The following MYH14 variants were observed in gnomAD, a reference collection of about 807,000 sequenced individuals.
MYH14 encodes the protein myosin-14.
Under a neutral mutation model 255.5 loss-of-function variants are expected in MYH14, and 123 were observed. The ratio of observed to expected loss-of-function variants is 0.48; its 90% CI spans 0.42 to 0.56. MYH14 has a LOEUF of 0.56. Ranked by LOEUF, MYH14 falls within the 20% of genes least tolerant of loss-of-function variation. MYH14 has a pLI of 0.00. For missense variants in MYH14, 2,423 were observed against 2,802.3 expected, an observed-to-expected ratio of 0.86 and a Z score of 3.06; for synonymous variants, 1,095 against 1,161.2, an observed-to-expected ratio of 0.94 and a Z score of 1.16.
Position 50,210,450 on chromosome 19 carries a change from T to C in MYH14, c.85T>C (p.Phe29Leu), listed in dbSNP as rs754481121. The C allele has an allele frequency of 5.2e-6, 8 of 1,550,850 alleles. No individual in the cohort carries two copies. The African/African-American group carries it at 9.7e-5, about 19-fold the overall frequency. Residue 29 changes from phenylalanine to leucine, a missense_variant, in exon 2 of 43, where the codon TTC (phenylalanine) becomes CTC (leucine). By Grantham distance (22) the Phe-to-Leu change is conservative. Around this residue, in one of 3 missense-constraint regions of MYH14, gnomAD observed 238 missense variants for 245.8 expected, o/e 0.97. Transcript: ENST00000642316. ...GCCCGAGGCGGCCCAGCCGTTCCTG[T>C]TCACGCCCCGCGGGCCCAGCGCGGG... ...PVPEAAQPFL[F>L]TPRGPSAGGG...
intron 33 of MYH14, chr19:50,286,121 T>G (rs919836439): frequency 5.8e-6 from 1 of 171,650 alleles, no homozygotes; most frequent in African/African-American, 2.4e-5. Flanking sequence ...TCTTTTCTTT[T>G]TTGCATGTTT....
rs76636018 is a variant in MYH14, at chr19:50,298,209, A to G, written c.5470-3452A>G. On this transcript the variant is annotated intron_variant, in intron 39 of 42. Coordinates refer to ENST00000642316, the MANE Select transcript of MYH14 (RefSeq NM_001145809.2). ...TGTTCAGATTCTTCCTGGCTTCTCT[A>G]TGCAGCATTCCTTCCCCCTCTGAAA... Among the ~76,000 whole-genome samples, 954 of 152,268 alleles carry G rather than the reference A, an allele frequency of 6.3e-3. 9 individuals are homozygous for G. The highest frequency in any genetic ancestry group is 0.022 in the African/African-American group (911 of 41,548).
chr19:50,251,723 A>T (rs1241185927), intron 15 of MYH14, among the ~76,000 whole-genome samples: 1 of 151,924 alleles, frequency 6.6e-6, no homozygotes, highest in Non-Finnish European at 1.5e-5. Context: ...GATTACAGGC[A>T]CCTGCCACCA....
chr19:50,231,425 A>G (rs1471299131), intron 9 of MYH14, among the ~76,000 whole-genome samples: 1 of 152,240 alleles, frequency 6.6e-6, no homozygotes, highest in East Asian at 1.9e-4. Flanking sequence ...GAGGAGTGGT[A>G]TACACTGCGT....
chr19:50,297,965 C>G (rs78214803), intron 39 of MYH14, among the ~76,000 whole-genome samples: 4,394 of 152,146 alleles, frequency 0.029, 249 homozygotes, highest in African/African-American at 0.1. Context: ...CTATTCACCC[C>G]ATGGGTGCAT....
chr19:50,216,008 A>C (rs12608568), intron 2 of MYH14, among the ~76,000 whole-genome samples: 76,857 of 152,086 alleles, frequency 0.51, 22,097 homozygotes, highest in Non-Finnish European at 0.64. Flanking sequence ...CTAAGCAGGT[A>C]ATTCTCTGGC....
At chr19:50,269,457 C>A (rs1049456701) in intron 24 of MYH14, among the ~76,000 whole-genome samples, 3 of 152,226 alleles carry the variant, frequency 2.0e-5, no homozygotes, top group Non-Finnish European at 4.4e-5. Flanking sequence ...GCTGGGATTA[C>A]AGGCGTGAGC....
Position 50,252,780 on chromosome 19 carries a change from C to G in MYH14, c.1945+27C>G, listed in dbSNP as rs774092961. 6 of 1,459,182 alleles carry G rather than the reference C, an allele frequency of 4.1e-6. No individual in the cohort carries two copies. In the East Asian group the frequency reaches 1.2e-4, roughly 30 times the overall value. The allele number at this position is 1,459,182 out of a possible 1,614,324, so 90.4% of individuals were successfully genotyped here. On this transcript the variant is annotated intron_variant, in intron 16 of 42. Coordinates refer to ENST00000642316, the MANE Select transcript of MYH14 (RefSeq NM_001145809.2). This position sits in a 1 kb window ranked among gnomAD's most constrained non-coding sequence, Gnocchi z 4.2. Reference sequence around the variant, plus strand: ...TGAGGACCCACTTCCCCCACCCCGGCTCTAGGGGTCTGTGCGGCCATTCTC... The same window carrying G: ...TGAGGACCCACTTCCCCCACCCCGGGTCTAGGGGTCTGTGCGGCCATTCTC...
At chr19:50,207,901 C>T (rs912067846) in intron 1 of MYH14, among the ~76,000 whole-genome samples, 1 of 152,328 alleles carries the variant, frequency 6.6e-6, no homozygotes, top group Middle Eastern at 3.4e-3. Context: ...GTGACACAGC[C>T]ACACAGATGC....
chr19:50,284,918 C>CTTTTT (rs10587609), intron 33 of MYH14: 5 of 129,644 alleles, frequency 3.9e-5, no homozygotes, highest in Admixed American at 8.0e-5. Flanking sequence ...TCTTCTTCTT[C>CTTTTT]TTTTTTTTTT....
At chr19:50,251,520 C>CATATA (rs1208203151) in intron 15 of MYH14, among the ~76,000 whole-genome samples, 791 of 17,040 alleles carry the variant, frequency 0.046, 8 homozygotes, top group African/African-American at 0.09. Context: ...TATATACACA[C>CATATA]TACACACACA....
intron 1 of MYH14, among the ~76,000 whole-genome samples, chr19:50,208,882 G>A (rs979533214): frequency 2.0e-5 from 3 of 151,864 alleles, no homozygotes; most frequent in Non-Finnish European, 2.9e-5. Context: ...GATGGGGCTC[G>A]GTGGCTCACA....
Position 50,271,642 on chromosome 19 carries a change from G to T in MYH14, c.3171+96G>T, listed in dbSNP as rs976698343. 4.0e-6 allele frequency: 6 copies of T among 1,511,392 alleles called. No homozygotes were observed. The South Asian group carries it at 4.9e-5, about 12-fold the overall frequency. 93.6% of individuals were successfully genotyped at this position (1,511,392 alleles called of 1,614,324 possible). A position where few individuals can be genotyped will look rare whatever the true frequency, so the allele number is the denominator to read the frequency against. On this transcript the variant is annotated intron_variant, in intron 25 of 42. Coordinates refer to ENST00000642316, the MANE Select transcript of MYH14 (RefSeq NM_001145809.2). ...ACGCCATGGGGGTTACCACACTGCGGTTCTCAGGTGTGCACCGGTGGGGGT... is the reference window on the plus strand; with the variant it reads ...ACGCCATGGGGGTTACCACACTGCGTTTCTCAGGTGTGCACCGGTGGGGGT...
chr19:50,268,769 G>A (rs1209839190), intron 24 of MYH14, among the ~76,000 whole-genome samples: 3 of 152,112 alleles, frequency 2.0e-5, no homozygotes, highest in African/African-American at 7.2e-5. Flanking sequence ...TCAGCTTCAG[G>A]CATGGCTGGA....
chr19:50,257,100 T>C (rs2034618317), intron 17 of MYH14, among the ~76,000 whole-genome samples, 199 bp from the exon 18 acceptor site: 1 of 152,220 alleles, frequency 6.6e-6, no homozygotes, highest in Admixed American at 6.5e-5. Context: ...CTGTGTGACC[T>C]TAAGCACATT....
Position 50,249,025 on chromosome 19 carries a change from C to T in MYH14, c.1368C>T (p.Tyr456=), listed in dbSNP as rs554040475. 30 of 1,613,510 alleles carry T rather than the reference C, an allele frequency of 1.9e-5. No homozygotes were observed. Among genetic ancestry groups the T allele is most frequent in the Non-Finnish European group, 2.1e-5 (25 of 1,179,808 alleles). Residue 456 remains tyrosine (Y), a synonymous_variant, in exon 13 of 43, where the codon TAC becomes TAT. Coordinates refer to ENST00000642316, the MANE Select transcript of MYH14 (RefSeq NM_001145809.2). Reference sequence around the variant, plus strand: ...TGGAGGCCCTGGCCAAGGCCACCTACGAGCGCCTCTTCCGCTGGCTGGTTC... The same window carrying T: ...TGGAGGCCCTGGCCAAGGCCACCTATGAGCGCCTCTTCCGCTGGCTGGTTC... ...FALEALAKAT[Y]ERLFRWLVLR...
chr19:50,297,017 G>A (rs2036290932), intron 39 of MYH14, among the ~76,000 whole-genome samples: 1 of 151,354 alleles, frequency 6.6e-6, no homozygotes, highest in African/African-American at 2.4e-5. Flanking sequence ...ATGGAGTCTC[G>A]CTCTGTCACC....
rs754298771 is a variant in MYH14, at chr19:50,204,724, G to A, written c.-4+1053G>A. Among the ~76,000 whole-genome samples the A allele has an allele frequency of 4.3e-4, 65 of 152,158 alleles. 1 individual carries two copies. In the Middle Eastern group the frequency reaches 0.017, roughly 40 times the overall value. ...AGCTTGGGCAACACAGCGAGACTTCGTCTCTACAAAAAGTAAAAGAGTTAG... is the reference window on the plus strand; with the variant it reads ...AGCTTGGGCAACACAGCGAGACTTCATCTCTACAAAAAGTAAAAGAGTTAG... On this transcript the variant is annotated intron_variant, in intron 1 of 42. Coordinates refer to ENST00000642316, the MANE Select transcript of MYH14 (RefSeq NM_001145809.2).
intron 35 of MYH14, 115 bp from the exon 36 acceptor site, chr19:50,290,772 G>A (rs2036044227): frequency 2.8e-6 from 3 of 1,074,584 alleles, no homozygotes; most frequent in Admixed American, 5.4e-5. Context: ...GGGAGTGAGA[G>A]GAGCGGGGCT....
Sources: gnomAD v4.1 joint callset for allele counts (sites outside exome capture counted in the v4.1 genomes callset) on GRCh38, gnomAD v4.1.1 for gene constraint, gnomAD v4.1.1 regional missense constraint, Gnocchi (gnomAD v3.1) non-coding constraint, MANE v1.5 for transcripts, NCBI Gene and HGNC (gene_info 2026-07-23, HGNC 2026-07-21) for gene names.